Variants in ASCC1 observed in about 807,000 individuals in gnomAD.
The protein encoded by ASCC1 is activating signal cointegrator 1 complex subunit 1.
A neutral mutation model predicts 46.6 loss-of-function variants in ASCC1; 35 were observed. The ratio of observed to expected loss-of-function variants is 0.75; its 90% confidence interval spans 0.57 to 0.99. ASCC1 has a LOEUF of 0.99. ASCC1 is among the 50% of genes least tolerant of loss of function. ASCC1 has a pLI of 0.00. For synonymous variants in ASCC1, 143 were observed against 146.6 expected, an observed-to-expected ratio of 0.98 and a Z score of 0.18; for missense variants, 376 against 428.7, an observed-to-expected ratio of 0.88 and a Z score of 1.09.
At chr10:72,152,061 G>C (rs919405528) in intron 7 of ASCC1, among the ~76,000 whole-genome samples, 2 of 150,410 alleles carry the variant, frequency 1.3e-5, no homozygotes, top group Non-Finnish European at 3.0e-5. Context: ...GTGTGATCAC[G>C]GCTCACTGCA....
chr10:72,129,739 G>A lies in ASCC1; in HGVS notation c.872-1572C>T, dbSNP rs1691129124. On this transcript the variant is annotated intron_variant, in intron 8 of 9. Transcript: ENST00000672957. ...GAGAATCACCTGAACCTGGGAGGCG[G>A]AGGTTGCAGTGAGCCAAGATTGCAC... is the stretch of plus-strand genomic sequence containing the variant. 2.6e-5 allele frequency among the ~76,000 whole-genome samples: 4 copies of A among 152,010 alleles called. No individual in the cohort carries two copies. The South Asian group carries it at 8.3e-4, about 32-fold the overall frequency.
At chr10:72,206,273 G>A (rs886247294) in intron 3 of ASCC1, among the ~76,000 whole-genome samples, 5 of 147,702 alleles carry the variant, frequency 3.4e-5, no homozygotes, top group Non-Finnish European at 4.5e-5. Flanking sequence ...GCATGGTGGC[G>A]CATGCCTATA....
chr10:72,137,713 AC>A (rs1199031628), intron 7 of ASCC1, among the ~76,000 whole-genome samples: 4 of 152,144 alleles, frequency 2.6e-5, no homozygotes, highest in Non-Finnish European at 5.9e-5. Flanking sequence ...AAAAAGGAAA[AC>A]ATAACCTCAC....
At chr10:72,107,262 G>A (rs1370586863) in intron 9 of ASCC1, among the ~76,000 whole-genome samples, 1 of 151,348 alleles carries the variant, frequency 6.6e-6, no homozygotes, top group African/African-American at 2.4e-5. Context: ...ACTTTATTGG[G>A]AGTTAAGTCA....
intron 5 of ASCC1, among the ~76,000 whole-genome samples, chr10:72,172,254 A>C (rs1195145611): frequency 6.6e-6 from 1 of 151,932 alleles, no homozygotes; most frequent in African/African-American, 2.4e-5. Flanking sequence ...TCTCTACTAA[A>C]AATACAAAAA....
At chr10:72,189,631 C>G (rs889565332) in intron 5 of ASCC1, among the ~76,000 whole-genome samples, 4 of 151,648 alleles carry the variant, frequency 2.6e-5, no homozygotes, top group Non-Finnish European at 4.4e-5. Flanking sequence ...GGAGAAACCC[C>G]ATCTCTATTA....
intron 9 of ASCC1, among the ~76,000 whole-genome samples, chr10:72,104,694 G>A (rs1842150643): frequency 6.6e-6 from 1 of 152,130 alleles, no homozygotes; most frequent in East Asian, 1.9e-4. Flanking sequence ...CACACATACA[G>A]CCCTGTTGTT....
At chr10:72,189,863 T>C in intron 5 of ASCC1, 1 of 549,452 alleles carries the variant, frequency 1.8e-6, no homozygotes, top group Non-Finnish European at 3.2e-6. Flanking sequence ...TTATTCCAAA[T>C]GCTTTTATTT....
At chr10:72,181,031 T>C (rs1244484846) in intron 5 of ASCC1, 1 of 153,376 alleles carries the variant, frequency 6.5e-6, no homozygotes, top group African/African-American at 2.4e-5. Flanking sequence ...GGTGGCACGA[T>C]CTTGGCTCAC....
At chr10:72,174,007 T>C (rs940778945) in intron 5 of ASCC1, among the ~76,000 whole-genome samples, 1 of 152,256 alleles carries the variant, frequency 6.6e-6, no homozygotes, top group African/African-American at 2.4e-5. Context: ...GTTTTGTTTA[T>C]GAAAATAAAC....
At chr10:72,189,197 G>A (rs1004319926) in intron 5 of ASCC1, among the ~76,000 whole-genome samples, 5 of 150,986 alleles carry the variant, frequency 3.3e-5, no homozygotes, top group African/African-American at 1.2e-4. Context: ...TCAGGAGATC[G>A]AGACCATTCT....
chr10:72,188,713 T>C (rs1853895579), intron 5 of ASCC1, among the ~76,000 whole-genome samples: 2 of 152,164 alleles, frequency 1.3e-5, no homozygotes, highest in African/African-American at 2.4e-5. Context: ...GCAACTACCA[T>C]TTATTAAATG....
intron 9 of ASCC1, among the ~76,000 whole-genome samples, chr10:72,099,473 C>G (rs1841468330): frequency 1.3e-5 from 2 of 152,138 alleles, no homozygotes; most frequent in Non-Finnish European, 2.9e-5. Context: ...AGGCACCACC[C>G]ACTGTACCAA....
At chr10:72,098,782 A>G (rs7098082) in intron 9 of ASCC1, among the ~76,000 whole-genome samples, 1,737 of 152,364 alleles carry the variant, frequency 0.011, 22 homozygotes, top group African/African-American at 0.039. Context: ...TAGAGGTTGT[A>G]TGCTGCATTG....
At chr10:72,187,000 T>C (rs1420609005) in intron 5 of ASCC1, among the ~76,000 whole-genome samples, 1 of 150,974 alleles carries the variant, frequency 6.6e-6, no homozygotes, top group Non-Finnish European at 1.5e-5. Flanking sequence ...GTCTTATACC[T>C]GGTATTTGTA....
intron 7 of ASCC1, chr10:72,133,569 C>T: frequency 3.4e-6 from 1 of 296,460 alleles, no homozygotes; most frequent in Non-Finnish European, 6.5e-6. Flanking sequence ...GATGCCAAGG[C>T]ATGCAAGATC....
At chr10:72,212,743 G>C (rs911855175) in intron 2 of ASCC1, among the ~76,000 whole-genome samples, 1 of 152,022 alleles carries the variant, frequency 6.6e-6, no homozygotes, top group Non-Finnish European at 1.5e-5. Context: ...AGCTACTCAG[G>C]AGGCTGAGGC....
At chr10:72,201,708 C>T (rs570643758) in intron 4 of ASCC1, among the ~76,000 whole-genome samples, 1 of 152,158 alleles carries the variant, frequency 6.6e-6, no homozygotes, top group African/African-American at 2.4e-5. Context: ...GAGGCCAAGG[C>T]AGGCAGATCG....
intron 4 of ASCC1, among the ~76,000 whole-genome samples, chr10:72,200,740 A>T (rs1856384530): frequency 6.6e-6 from 1 of 152,144 alleles, no homozygotes; most frequent in African/African-American, 2.4e-5. Context: ...CTTGAATGTT[A>T]AAACTCAAGG....
Sources: gnomAD v4.1 joint callset for allele counts (sites outside exome capture counted in the v4.1 genomes callset) on GRCh38, gnomAD v4.1.1 for gene constraint, MANE v1.5 for transcripts, NCBI Gene and HGNC (gene_info 2026-07-23, HGNC 2026-07-21) for gene names.